The following MNS1 variants were observed in gnomAD, a reference collection of about 807,000 sequenced individuals.
MNS1 encodes meiosis-specific nuclear structural protein 1.
MNS1 carries 63 observed loss-of-function variants against 72.0 expected under a neutral mutation model. That is an observed-to-expected ratio of 0.87 (90% CI 0.71 to 1.08). MNS1 has a LOEUF of 1.08. Among genes scored for constraint, MNS1 ranks in the 50% least tolerant of loss-of-function variants. The probability of loss-of-function intolerance (pLI) is 0.00; values close to 1 mark genes in which losing one functional copy is unlikely to be tolerated. For synonymous variants in MNS1, 188 were observed against 172.1 expected (o/e 1.09, Z -0.72); for missense variants, 604 against 562.4 (o/e 1.07, Z -0.75).
chr15:56,459,822 C>T lies in MNS1; in HGVS notation c.226-3301G>A, dbSNP rs558265275. Among the ~76,000 whole-genome samples the T allele has an allele frequency of 2.0e-5, 3 of 149,858 alleles. No homozygotes were observed. In the South Asian group the frequency reaches 6.4e-4, roughly 32 times the overall value. On this transcript the variant is annotated intron_variant, in intron 2 of 9. Transcript: ENST00000260453. Reference sequence around the variant, plus strand: ...CCTGACCAACGTGGAGAAACCCCATCCCTACTAAAAATACAGAATTAGCTG... The same window carrying T: ...CCTGACCAACGTGGAGAAACCCCATTCCTACTAAAAATACAGAATTAGCTG...
intron 7 of MNS1, among the ~76,000 whole-genome samples, chr15:56,440,386 C>G (rs1204124807): frequency 6.6e-6 from 1 of 152,184 alleles, no homozygotes; most frequent in Non-Finnish European, 1.5e-5. Context: ...AATGCTACAG[C>G]TGTTCTGGAA....
chr15:56,435,161 A>G (rs1313753913), intron 7 of MNS1, among the ~76,000 whole-genome samples: 1 of 152,102 alleles, frequency 6.6e-6, no homozygotes, highest in Non-Finnish European at 1.5e-5. Flanking sequence ...AGAAACATTT[A>G]TAGCACTAAA....
In MNS1 at chr15:56,428,997, AACAG is replaced by A. The variant is rs1172471221; in HGVS notation, c.*100_*103del. ...ATTCAGTGATGATTTACAAAATCCAAACAGACAATGGATACCTAATGCCACTGAA... is the reference window on the plus strand; with the variant it reads ...ATTCAGTGATGATTTACAAAATCCAAACAATGGATACCTAATGCCACTGAA... On this transcript the variant is annotated 3_prime_UTR_variant, in exon 10 of 10. Coordinates refer to ENST00000260453, the MANE Select transcript of MNS1 (RefSeq NM_018365.4). 4.8e-5 allele frequency: 29 copies of A among 606,462 alleles called. No homozygotes were observed. The highest frequency in any genetic ancestry group is 3.8e-4 in the East Asian group (12 of 31,844). 37.6% of individuals were successfully genotyped at this position (606,462 alleles called of 1,614,324 possible).
intron 2 of MNS1, among the ~76,000 whole-genome samples, chr15:56,463,151 T>C (rs1309861765): frequency 3.3e-5 from 5 of 152,190 alleles, no homozygotes; most frequent in Non-Finnish European, 2.9e-5. Context: ...TCTCAATTCT[T>C]ATTAGTTTCC....
At chr15:56,440,232 A>T (rs2050795922) in intron 7 of MNS1, among the ~76,000 whole-genome samples, 1 of 152,170 alleles carries the variant, frequency 6.6e-6, no homozygotes, top group Non-Finnish European at 1.5e-5. Context: ...CACTACATGG[A>T]TATTTAAAAG....
chr15:56,440,315 C>T (rs2050797015), intron 7 of MNS1, among the ~76,000 whole-genome samples: 1 of 152,150 alleles, frequency 6.6e-6, no homozygotes, highest in Non-Finnish European at 1.5e-5. Context: ...TGTGTTAACA[C>T]CAAATGCTGG....
chr15:56,452,799 T>C lies in MNS1; in HGVS notation c.353+3595A>G, dbSNP rs1252106100. On this transcript the variant is annotated intron_variant, in intron 3 of 9. Coordinates refer to ENST00000260453, the MANE Select transcript of MNS1 (RefSeq NM_018365.4). ...TCCCAAAGTGCTGGGATTACAGGCA[T>C]GAGCCACCGCACCCGGCCTAATCCA... Among the ~76,000 whole-genome samples, 3 of 152,144 alleles carry C rather than the reference T, an allele frequency of 2.0e-5. No homozygotes were observed. In the East Asian group the frequency reaches 5.8e-4, roughly 29 times the overall value.
intron 7 of MNS1, among the ~76,000 whole-genome samples, chr15:56,439,924 G>C (rs2050791314): frequency 6.6e-6 from 1 of 151,994 alleles, no homozygotes; most frequent in South Asian, 2.1e-4. Context: ...GAGAACATTT[G>C]CTCTAAGAAA....
intron 3 of MNS1, among the ~76,000 whole-genome samples, chr15:56,452,426 C>G (rs543644860): frequency 6.6e-6 from 1 of 152,220 alleles, no homozygotes; most frequent in South Asian, 2.1e-4. Context: ...GGGGTGGTAA[C>G]TTAGGCACCC....
intron 7 of MNS1, among the ~76,000 whole-genome samples, chr15:56,442,277 G>A (rs2050828606): frequency 6.6e-6 from 1 of 152,172 alleles, no homozygotes; most frequent in Non-Finnish European, 1.5e-5. Context: ...TACACTGTTG[G>A]TGGGAATGTA....
chr15:56,437,555 C>G (rs1287774276), intron 7 of MNS1, among the ~76,000 whole-genome samples: 1 of 152,108 alleles, frequency 6.6e-6, no homozygotes. Flanking sequence ...AAAACTGGCA[C>G]AAGACAGGGA....
intron 3 of MNS1, among the ~76,000 whole-genome samples, chr15:56,448,836 C>G (rs1334211244): frequency 6.7e-6 from 1 of 148,660 alleles, no homozygotes; most frequent in Non-Finnish European, 1.5e-5. Flanking sequence ...TCACTGCAAG[C>G]TCCGCCACCC....
Position 56,464,819 on chromosome 15 carries a change from T to C in MNS1, c.3+151A>G, listed in dbSNP as rs539859647. 9 of 1,099,602 alleles carry C rather than the reference T, an allele frequency of 8.2e-6. No individual in the cohort carries two copies. The East Asian group carries it at 2.2e-4, about 27-fold the overall frequency. 68.1% of individuals were successfully genotyped at this position (1,099,602 alleles called of 1,614,324 possible). A position where few individuals can be genotyped will look rare whatever the true frequency, so the allele number is the denominator to read the frequency against. On this transcript the variant is annotated intron_variant, in intron 1 of 9. Transcript: ENST00000260453. ...TGGAAACCACCGCGAGCGTCCCTTC[T>C]AATAGCACCTGAAGCCTCCGAAAGC...
chr15:56,448,466 T>G (rs2050923920), intron 3 of MNS1, among the ~76,000 whole-genome samples: 1 of 143,092 alleles, frequency 7.0e-6, no homozygotes, highest in African/African-American at 2.9e-5. Context: ...AGCTCCCACC[T>G]ATAAGTGAGA....
intron 3 of MNS1, among the ~76,000 whole-genome samples, chr15:56,449,506 A>C (rs2050933401): frequency 6.6e-6 from 1 of 152,200 alleles, no homozygotes; most frequent in Non-Finnish European, 1.5e-5. Flanking sequence ...CGTATTGACT[A>C]ATATTTCAGA....
At chr15:56,461,426 C>T (rs941779578) in intron 2 of MNS1, among the ~76,000 whole-genome samples, 13 of 151,902 alleles carry the variant, frequency 8.6e-5, no homozygotes, top group African/African-American at 2.4e-4. Context: ...TTTGGGAGGC[C>T]GAGGCAGGCA....
intron 1 of MNS1, among the ~76,000 whole-genome samples, chr15:56,464,555 G>C (rs753358011): frequency 6.9e-6 from 1 of 145,862 alleles, no homozygotes; most frequent in Non-Finnish European, 1.5e-5. Flanking sequence ...CTACCACCAG[G>C]GAATTTCTCC....
chr15:56,458,478 A>G (rs908198254), intron 2 of MNS1, among the ~76,000 whole-genome samples: 5 of 152,146 alleles, frequency 3.3e-5, no homozygotes, highest in Admixed American at 6.5e-5. Context: ...ATTATCACGC[A>G]AAGTCCATAG....
intron 2 of MNS1, among the ~76,000 whole-genome samples, chr15:56,462,007 T>G (rs2051026154): frequency 3.1e-4 from 38 of 122,874 alleles, no homozygotes; most frequent in African/African-American, 1.0e-3. Flanking sequence ...TTTTTTTTTT[T>G]TTTGTGGGGT....
Sources: allele counts gnomAD v4.1 joint callset (sites outside exome capture counted in the v4.1 genomes callset), GRCh38; gene constraint gnomAD v4.1.1; transcripts MANE v1.5; gene names NCBI Gene and HGNC (gene_info 2026-07-23, HGNC 2026-07-21).